GABRB3: variants seen among roughly 807,000 people sequenced by gnomAD.
GABRB3 encodes the protein gamma-aminobutyric acid type A receptor subunit beta3, also known as gamma-aminobutyric acid receptor subunit beta-3.
GABRB3 carries 14 observed loss-of-function variants against 52.1 expected under a neutral mutation model. The observed-to-expected ratio is 0.27, with a 90% CI of 0.18 to 0.42. The LOEUF (loss-of-function observed/expected upper bound fraction) is 0.42. Among genes scored for constraint, GABRB3 ranks in the 10% least tolerant of loss-of-function variants. The pLI is 1.00. For missense variants in GABRB3, 307 were observed against 609.1 expected, an observed-to-expected ratio of 0.50 and a Z score of 5.22; for synonymous variants, 260 against 232.3, an observed-to-expected ratio of 1.12 and a Z score of -1.08.
chr15:26,568,684 G>GTGTTTTTT (rs373552704), intron 6 of GABRB3, among the ~76,000 whole-genome samples: 7 of 133,662 alleles, frequency 5.2e-5, no homozygotes, highest in Admixed American at 7.7e-5. Flanking sequence ...TTTTTTTTTG[G>GTGTTTTTT]TTTTGTATGT....
At chr15:26,752,259 T>G (rs992766948) in intron 3 of GABRB3, among the ~76,000 whole-genome samples, 1 of 150,012 alleles carries the variant, frequency 6.7e-6, no homozygotes, top group Non-Finnish European at 1.5e-5. Context: ...ATTTATTTAT[T>G]TATTTATTTA....
chr15:26,571,631 TGGACGATCATTAG>T (rs1890401334), intron 6 of GABRB3, among the ~76,000 whole-genome samples: 3 of 152,154 alleles, frequency 2.0e-5, no homozygotes, highest in Admixed American at 2.0e-4. Flanking sequence ...AACAAACACT[TGGACGATCATTAG>T]GGACCTTGAA....
intron 3 of GABRB3, among the ~76,000 whole-genome samples, chr15:26,724,374 G>A (rs547104778): frequency 6.6e-6 from 1 of 152,252 alleles, no homozygotes; most frequent in South Asian, 2.1e-4. Flanking sequence ...GCCATTATGG[G>A]ATGCAAGGTC....
chr15:26,698,182 C>T (rs28407805), intron 3 of GABRB3, among the ~76,000 whole-genome samples: 1 of 152,142 alleles, frequency 6.6e-6, no homozygotes, highest in East Asian at 1.9e-4. Context: ...AGGAGGAAAG[C>T]GGACAGATGG....
chr15:26,700,784 A>G (rs1481848901), intron 3 of GABRB3, among the ~76,000 whole-genome samples: 1 of 152,216 alleles, frequency 6.6e-6, no homozygotes, highest in Non-Finnish European at 1.5e-5. Context: ...GGCCAGGTAC[A>G]GTGGCTCACG....
chr15:26,629,913 C>T (rs1421812165), intron 3 of GABRB3, among the ~76,000 whole-genome samples: 2 of 151,996 alleles, frequency 1.3e-5, no homozygotes, highest in African/African-American at 2.4e-5. Context: ...ACCCTGAGAA[C>T]GTTTGGCTTC....
At chr15:26,594,164 TAAAG>T (rs1170379020) in intron 4 of GABRB3, among the ~76,000 whole-genome samples, 1 of 151,164 alleles carries the variant, frequency 6.6e-6, no homozygotes, top group Non-Finnish European at 1.5e-5. Context: ...CCTCTTTGAA[TAAAG>T]AGATTATTTA....
intron 3 of GABRB3, among the ~76,000 whole-genome samples, chr15:26,766,876 G>T (rs1289162560): frequency 2.0e-5 from 3 of 152,158 alleles, no homozygotes; most frequent in Admixed American, 6.5e-5. Context: ...GACCATGCAT[G>T]TAAGATCCAT....
In GABRB3 at chr15:26,681,843, G is replaced by A. The variant is rs142573060; in HGVS notation, c.241-60309C>T. Among the ~76,000 whole-genome samples the A allele has an allele frequency of 2.9e-3, 448 of 152,212 alleles. 1 individual carries two copies. The highest frequency in any genetic ancestry group is 0.01 in the African/African-American group (427 of 41,520). ...AAAAATTAGCCAGGCATGGTGGCAC[G>A]TGCCTCTAGTCCCAGCTATCTGGGA... On this transcript the variant is annotated intron_variant, in intron 3 of 8. Transcript: ENST00000311550.
chr15:26,647,797 C>G (rs1003630995), intron 3 of GABRB3, among the ~76,000 whole-genome samples: 2 of 151,632 alleles, frequency 1.3e-5, no homozygotes, highest in African/African-American at 4.9e-5. Context: ...GATCCCAGAG[C>G]GGGGCTGCCT....
At chr15:26,754,834 C>T (rs542155735) in intron 3 of GABRB3, among the ~76,000 whole-genome samples, 4 of 152,218 alleles carry the variant, frequency 2.6e-5, no homozygotes, top group African/African-American at 9.6e-5. Context: ...AGCCTGAGAC[C>T]TCAGTTTCCC....
At chr15:26,615,972 CCCAGCT>C in intron 4 of GABRB3, 1 of 1,289,124 alleles carries the variant, frequency 7.8e-7, no homozygotes, top group Non-Finnish European at 1.0e-6. Context: ...CAGGAACAAC[CCCAGCT>C]CTCTGCAAAC....
At chr15:26,644,243 A>ACAGG (rs1893289368) in intron 3 of GABRB3, among the ~76,000 whole-genome samples, 1 of 152,200 alleles carries the variant, frequency 6.6e-6, no homozygotes, top group East Asian at 1.9e-4. Flanking sequence ...GCTACATGGA[A>ACAGG]AACAGTCTTC....
At chr15:26,746,715 C>T (rs953003514) in intron 3 of GABRB3, among the ~76,000 whole-genome samples, 2 of 151,948 alleles carry the variant, frequency 1.3e-5, no homozygotes, top group African/African-American at 2.4e-5. Context: ...TGGCCAGGCA[C>T]GGTGGCTCAC....
At chr15:26,773,502 G>C (rs1891220271), upstream of GABRB3, 1 of 495,384 alleles carries the variant, frequency 2.0e-6, no homozygotes, top group South Asian at 4.2e-5. Context: ...GCCTACCCCG[G>C]CCGCCGAAGT....
chr15:26,730,747 C>G (rs1207055027), intron 3 of GABRB3, among the ~76,000 whole-genome samples: 2 of 152,190 alleles, frequency 1.3e-5, no homozygotes, highest in Non-Finnish European at 2.9e-5. Flanking sequence ...TGCCAGATGT[C>G]CAAGCTTAAA....
At chr15:26,699,159 C>T (rs969666879) in intron 3 of GABRB3, among the ~76,000 whole-genome samples, 8 of 152,190 alleles carry the variant, frequency 5.3e-5, no homozygotes, top group South Asian at 2.1e-4. Flanking sequence ...GTTTCCAGAA[C>T]TGGGAACAGT....
intron 3 of GABRB3, among the ~76,000 whole-genome samples, chr15:26,748,121 C>T (rs1246466716): frequency 2.0e-5 from 3 of 151,928 alleles, no homozygotes; most frequent in African/African-American, 4.8e-5. Context: ...CTTTGATTTG[C>T]CCATATTTTG....
At chr15:26,742,924 CTTTTTT>C (rs779891729) in intron 3 of GABRB3, among the ~76,000 whole-genome samples, 4 of 48,832 alleles carry the variant, frequency 8.2e-5, no homozygotes, top group African/African-American at 1.7e-4. Flanking sequence ...ATTAGAGATT[CTTTTTT>C]TTTTTTTTTT....
Sources: gnomAD v4.1 joint callset for allele counts (sites outside exome capture counted in the v4.1 genomes callset) on GRCh38, gnomAD v4.1.1 for gene constraint, MANE v1.5 for transcripts, NCBI Gene and HGNC (gene_info 2026-07-23, HGNC 2026-07-21) for gene names.